HOMER1: variants seen among roughly 807,000 people sequenced by gnomAD.
The protein encoded by HOMER1 is homer protein homolog 1.
HOMER1 carries 3 observed loss-of-function variants against 48.9 expected under a neutral mutation model. The ratio of observed to expected loss-of-function variants is 0.06; its 90% CI spans 0.03 to 0.16. HOMER1 has a LOEUF of 0.16. Ranked by LOEUF, HOMER1 falls within the 10% of genes least tolerant of loss-of-function variation. The probability of loss-of-function intolerance (pLI) is 1.00; values close to 1 mark genes in which losing one functional copy is unlikely to be tolerated. For synonymous variants in HOMER1, 134 were observed against 146.4 expected (o/e 0.92, Z 0.61); for missense variants, 247 against 411.4 (o/e 0.60, Z 3.46).
intron 1 of HOMER1, chr5:79,510,723 C>G: frequency 1.3e-6 from 1 of 785,474 alleles, no homozygotes; most frequent in East Asian, 2.4e-5. Flanking sequence ...AACTTGCCTA[C>G]ACTGTCCACC....
intron 6 of HOMER1, among the ~76,000 whole-genome samples, chr5:79,399,831 G>A (rs561344761): frequency 1.3e-5 from 2 of 152,280 alleles, no homozygotes; most frequent in South Asian, 2.1e-4. Context: ...TTTGTTGGCA[G>A]TACACTTGGA....
At chr5:79,425,590 C>T (rs73120373) in intron 5 of HOMER1, among the ~76,000 whole-genome samples, 3,102 of 152,070 alleles carry the variant, frequency 0.02, 114 homozygotes, top group African/African-American at 0.071. Context: ...CAGCTTCCTT[C>T]CTCGCTATGG....
intron 8 of HOMER1, among the ~76,000 whole-genome samples, chr5:79,386,430 G>A (rs987804549): frequency 6.6e-6 from 1 of 152,188 alleles, no homozygotes; most frequent in African/African-American, 2.4e-5. Flanking sequence ...CATGGACATA[G>A]AGTGTAGAAT....
At chr5:79,446,599 C>T (rs1750888775) in intron 4 of HOMER1, among the ~76,000 whole-genome samples, 1 of 151,990 alleles carries the variant, frequency 6.6e-6, no homozygotes, top group South Asian at 2.1e-4. Flanking sequence ...TATAGAAAAA[C>T]CTTTTTCCAC....
rs542720937 is a variant in HOMER1 at position 79,506,018 on chromosome 5, C to A, written c.5+6752G>T. ...AAAAGATGACCCTATAAAATTAATT[C>A]TATTATCTGAAATGTTTAGCAGACA... On this transcript the variant is annotated intron_variant, in intron 1 of 8. Transcript: ENST00000334082. Among the ~76,000 whole-genome samples the A allele has an allele frequency of 1.2e-4, 19 of 152,162 alleles. No homozygotes were observed. The South Asian group carries it at 3.3e-3, about 27-fold the overall frequency.
rs187771326 is a variant in HOMER1 at position 79,512,957 on chromosome 5, T to C, written c.-183A>G. The C allele has an allele frequency of 3.8e-4, 230 of 607,268 alleles. 1 individual carries two copies. In the East Asian group the frequency reaches 3.8e-3, roughly 10 times the overall value. The allele number at this position is 607,268 out of a possible 1,614,324, so 37.6% of individuals were successfully genotyped here. On this transcript the variant is annotated 5_prime_UTR_variant, in exon 1 of 9. Coordinates refer to ENST00000334082, the MANE Select transcript of HOMER1 (RefSeq NM_004272.5). ...CTCTTAGGTAAAATGATTTCTCTCT[T>C]GTAAATACCAAAACGTTCAAACAGA...
intron 1 of HOMER1, among the ~76,000 whole-genome samples, chr5:79,508,614 T>C (rs1368725166): frequency 3.9e-5 from 6 of 152,344 alleles, no homozygotes; most frequent in African/African-American, 1.4e-4. Flanking sequence ...TGTCAATCAC[T>C]GTTCTCTCTG....
chr5:79,472,643 G>A (rs762248538), intron 1 of HOMER1, among the ~76,000 whole-genome samples: 3 of 151,728 alleles, frequency 2.0e-5, no homozygotes, highest in African/African-American at 4.8e-5. Context: ...AGCCAGACAC[G>A]ATGGTACATG....
At chr5:79,432,697 T>C (rs1459276357) in intron 5 of HOMER1, among the ~76,000 whole-genome samples, 1 of 152,178 alleles carries the variant, frequency 6.6e-6, no homozygotes, top group Non-Finnish European at 1.5e-5. Flanking sequence ...AGAAAGCTAA[T>C]AAACACTCTT....
chr5:79,467,697 T>C (rs1561375263), intron 1 of HOMER1, among the ~76,000 whole-genome samples: 2 of 152,202 alleles, frequency 1.3e-5, no homozygotes, highest in African/African-American at 4.8e-5. Context: ...AAACAAACAA[T>C]AAAACGTCAC....
intron 1 of HOMER1, among the ~76,000 whole-genome samples, chr5:79,501,272 C>A (rs546381134): frequency 1.3e-5 from 2 of 152,280 alleles, no homozygotes; most frequent in South Asian, 4.1e-4. Context: ...CGCCTGGCTC[C>A]TTTTCTTAAT....
rs1281418654 is a variant in HOMER1 at position 79,391,750 on chromosome 5, AAAAAG to A, written c.876+5068_876+5072del. 2.0e-5 allele frequency among the ~76,000 whole-genome samples: 3 copies of A among 151,988 alleles called. 1 individual carries two copies. The highest frequency in any genetic ancestry group is 4.8e-5 in the African/African-American group (2 of 41,430). On this transcript the variant is annotated intron_variant, in intron 8 of 8. Transcript: ENST00000334082. ...AGAGTGAGACTCTGTCTCAAAAAAA[AAAAAG>A]AAAAGAAAAAGAAACTTCACAAAGT...
At chr5:79,510,945 C>G in intron 1 of HOMER1, 1 of 539,638 alleles carries the variant, frequency 1.9e-6, no homozygotes, top group Admixed American at 2.6e-5. Context: ...GACCCCCCGC[C>G]AGGCTGCCAT....
chr5:79,454,071 C>T (rs1561369877), intron 2 of HOMER1, among the ~76,000 whole-genome samples: 1 of 152,148 alleles, frequency 6.6e-6, no homozygotes, highest in Admixed American at 6.5e-5. Flanking sequence ...CTAATAATTA[C>T]AATCAGCAAC....
chr5:79,426,266 C>T (rs1017281009), intron 5 of HOMER1, among the ~76,000 whole-genome samples: 1 of 151,996 alleles, frequency 6.6e-6, no homozygotes, highest in Non-Finnish European at 1.5e-5. Context: ...AATCCCACTG[C>T]TGGGATATCT....
intron 6 of HOMER1, chr5:79,397,844 T>G: frequency 2.6e-6 from 1 of 378,224 alleles, no homozygotes; most frequent in Non-Finnish European, 4.6e-6. Flanking sequence ...TTTACATGGC[T>G]TAGTCATAGA....
chr5:79,407,776 G>A (rs1001283008), intron 5 of HOMER1, among the ~76,000 whole-genome samples: 1 of 152,120 alleles, frequency 6.6e-6, no homozygotes. Flanking sequence ...TAAAGGCTGA[G>A]TATTTTCAAA....
chr5:79,394,209 C>T (rs1348889969), intron 8 of HOMER1, among the ~76,000 whole-genome samples: 1 of 152,124 alleles, frequency 6.6e-6, no homozygotes, highest in Non-Finnish European at 1.5e-5. Context: ...ACTCTAAATA[C>T]TAATCCAACT....
intron 1 of HOMER1, among the ~76,000 whole-genome samples, chr5:79,505,004 A>T (rs773090328): frequency 3.3e-5 from 5 of 152,020 alleles, no homozygotes; most frequent in African/African-American, 4.8e-5. Flanking sequence ...TAGGCTGGGC[A>T]CAGTAGCTCA....
Sources: allele counts gnomAD v4.1 joint callset (sites outside exome capture counted in the v4.1 genomes callset), GRCh38; gene constraint gnomAD v4.1.1; transcripts MANE v1.5; gene names NCBI Gene and HGNC (gene_info 2026-07-23, HGNC 2026-07-21).